Variants in PRKCA observed in about 807,000 individuals in gnomAD.
PRKCA encodes the protein protein kinase C alpha type.
A neutral mutation model predicts 87.0 loss-of-function variants in PRKCA; 27 were observed. The ratio of observed to expected loss-of-function variants is 0.31; its 90% CI spans 0.23 to 0.43. PRKCA has a LOEUF of 0.43. Among genes scored for constraint, PRKCA ranks in the 20% least tolerant of loss-of-function variants. The probability of loss-of-function intolerance (pLI) is 1.00; values close to 1 mark genes in which losing one functional copy is unlikely to be tolerated. For synonymous variants in PRKCA, 329 were observed against 311.1 expected, an observed-to-expected ratio of 1.06 and a Z score of -0.61; for missense variants, 518 against 852.3, an observed-to-expected ratio of 0.61 and a Z score of 4.88.
At chr17:66,462,822 T>C (rs1914910652) in intron 2 of PRKCA, among the ~76,000 whole-genome samples, 1 of 152,126 alleles carries the variant, frequency 6.6e-6, no homozygotes, top group African/African-American at 2.4e-5. Context: ...GAATCTCTTA[T>C]TAAAAGTAGC....
chr17:66,374,581 ACAATC>A (rs1401458758), intron 2 of PRKCA, among the ~76,000 whole-genome samples: 6 of 152,090 alleles, frequency 3.9e-5, no homozygotes, highest in Non-Finnish European at 5.9e-5. Context: ...AAGCAAGCAA[ACAATC>A]AAGTCTTGTT....
intron 2 of PRKCA, among the ~76,000 whole-genome samples, chr17:66,311,256 C>A (rs1905073756): frequency 1.3e-5 from 2 of 152,142 alleles, no homozygotes; most frequent in Non-Finnish European, 2.9e-5. Context: ...TTATCTCAGT[C>A]TCAAAGATGA....
At chr17:66,378,414 TTGG>T (rs1342685737) in intron 2 of PRKCA, among the ~76,000 whole-genome samples, 1 of 152,196 alleles carries the variant, frequency 6.6e-6, no homozygotes, top group African/African-American at 2.4e-5. Context: ...ATTCACCATT[TTGG>T]TGGTTTTTTA....
In PRKCA at chr17:66,303,142, A is replaced by G. The variant is rs921748989; in HGVS notation, c.173+118A>G. 2.2e-6 allele frequency: 3 copies of G among 1,361,590 alleles called. No individual in the cohort carries two copies. The East Asian group carries it at 8.1e-5, about 37-fold the overall frequency. The allele number at this position is 1,361,590 out of a possible 1,614,324, so 84.3% of individuals were successfully genotyped here. On this transcript the variant is annotated intron_variant, in intron 1 of 16. Coordinates refer to ENST00000413366, the MANE Select transcript of PRKCA (RefSeq NM_002737.3). The stretch of plus-strand genomic sequence containing the variant: ...ACTCCGATAACTTGGAACCGGCGGG[A>G]GTCCGAACTCTTCGCCCGGAGTGAC...
intron 3 of PRKCA, among the ~76,000 whole-genome samples, chr17:66,504,939 CG>C (rs1916906434): frequency 6.6e-6 from 1 of 152,138 alleles, no homozygotes; most frequent in African/African-American, 2.4e-5. Context: ...CATGTCCTGT[CG>C]GGACCCCCCT....
At chr17:66,645,337 T>G (rs753519028) in intron 4 of PRKCA, 46 bp from the exon 5 acceptor site, 3 of 1,612,738 alleles carry the variant, frequency 1.9e-6, no homozygotes, top group East Asian at 2.2e-5. Flanking sequence ...GGAGCGGTGG[T>G]TGGAGTCCAT....
At chr17:66,447,484 G>C (rs1352905304) in intron 2 of PRKCA, among the ~76,000 whole-genome samples, 1 of 152,224 alleles carries the variant, frequency 6.6e-6, no homozygotes, top group African/African-American at 2.4e-5. Flanking sequence ...CATCGGTTCA[G>C]TAATTTGAAT....
At chr17:66,492,253 T>C (rs960556566) in intron 2 of PRKCA, among the ~76,000 whole-genome samples, 3 of 152,136 alleles carry the variant, frequency 2.0e-5, no homozygotes, top group African/African-American at 7.2e-5. Context: ...GAGGAAATTA[T>C]TTTGGGATAG....
chr17:66,348,235 C>G (rs973589216), intron 2 of PRKCA, among the ~76,000 whole-genome samples: 1 of 152,078 alleles, frequency 6.6e-6, no homozygotes, highest in Non-Finnish European at 1.5e-5. Context: ...AGCCACCATG[C>G]CTGGCCCAGA....
At chr17:66,555,035 G>A (rs1346651935) in intron 3 of PRKCA, among the ~76,000 whole-genome samples, 1 of 152,050 alleles carries the variant, frequency 6.6e-6, no homozygotes, top group African/African-American at 2.4e-5. Context: ...ACGCTGCCAT[G>A]CCCGGCCAAG....
rs35997960 is a variant in PRKCA at position 66,535,640 on chromosome 17, T to C, written c.288+39357T>C. 8.5e-3 allele frequency among the ~76,000 whole-genome samples: 1,294 copies of C among 152,330 alleles called. 16 individuals are homozygous for C. The highest frequency in any genetic ancestry group is 0.018 in the South Asian group (87 of 4,822). On this transcript the variant is annotated intron_variant, in intron 3 of 16. Coordinates refer to ENST00000413366, the MANE Select transcript of PRKCA (RefSeq NM_002737.3). The stretch of plus-strand genomic sequence containing the variant: ...CAGACGACCAGAGCCTGAGACCTTT[T>C]CTTGGCAGCTGGTGTCAGTTCCCTG...
chr17:66,505,432 G>A (rs1279600510), intron 3 of PRKCA, among the ~76,000 whole-genome samples: 1 of 152,200 alleles, frequency 6.6e-6, no homozygotes, highest in African/African-American at 2.4e-5. Context: ...TTTCACCAGT[G>A]TTTGGAAGGC....
intron 2 of PRKCA, among the ~76,000 whole-genome samples, chr17:66,317,142 A>C (rs1905365270): frequency 7.7e-6 from 1 of 129,564 alleles, no homozygotes; most frequent in East Asian, 2.1e-4. Flanking sequence ...ACTCTGTCTC[A>C]AAAAAAAAAA....
intron 13 of PRKCA, among the ~76,000 whole-genome samples, chr17:66,759,378 C>G (rs761758325): frequency 5.3e-5 from 8 of 151,040 alleles, no homozygotes; most frequent in Non-Finnish European, 1.0e-4. Flanking sequence ...AGAAAGTAGA[C>G]TTGGTTTCGT....
intron 2 of PRKCA, among the ~76,000 whole-genome samples, chr17:66,445,517 G>C (rs1913987951): frequency 6.6e-6 from 1 of 152,246 alleles, no homozygotes; most frequent in Admixed American, 6.5e-5. Context: ...ATCCTGGGAA[G>C]AGAACATCTA....
At position 66,398,272 on chromosome 17, in the gene PRKCA, T is replaced by G. The variant is rs141292502; in HGVS notation, c.205+92145T>G. 1.1e-4 allele frequency: 16 copies of G among 152,212 alleles called. No individual in the cohort carries two copies. In the East Asian group the frequency reaches 2.9e-3, roughly 28 times the overall value. 9.4% of individuals were successfully genotyped at this position (152,212 alleles called of 1,614,324 possible). ...AGAGTAACGCTTAAAACCATGAAGA[T>G]TCCAGCCCACAGATTCTATCTGCCA... On this transcript the variant is annotated intron_variant, in intron 2 of 16. Transcript: ENST00000413366.
intron 14 of PRKCA, among the ~76,000 whole-genome samples, chr17:66,779,334 T>G (rs538654093): frequency 1.3e-5 from 2 of 152,054 alleles, no homozygotes; most frequent in Non-Finnish European, 2.9e-5. Context: ...GTTCCTGGAC[T>G]GCTTGACAAA....
At chr17:66,782,590 T>A (rs1348774783) in intron 14 of PRKCA, among the ~76,000 whole-genome samples, 1 of 152,138 alleles carries the variant, frequency 6.6e-6, no homozygotes, top group East Asian at 1.9e-4. Context: ...GGCCAGTCGC[T>A]CTCTACGGGA....
intron 3 of PRKCA, among the ~76,000 whole-genome samples, chr17:66,531,695 AT>A (rs756309199): frequency 4.6e-5 from 7 of 152,188 alleles, no homozygotes; most frequent in Non-Finnish European, 8.8e-5. Context: ...CAAGGGTTAA[AT>A]AAGCCTCTCT....
Sources: allele counts gnomAD v4.1 joint callset (sites outside exome capture counted in the v4.1 genomes callset), GRCh38; gene constraint gnomAD v4.1.1; transcripts MANE v1.5; gene names NCBI Gene and HGNC (gene_info 2026-07-23, HGNC 2026-07-21).